ZMYM6: variants seen among roughly 807,000 people sequenced by gnomAD.
The protein encoded by ZMYM6 is zinc finger MYM-type containing 6.
In ZMYM6, 90 loss-of-function variants were observed where a neutral mutation model predicts 134.0. The ratio of observed to expected loss-of-function variants is 0.67; its 90% CI spans 0.57 to 0.80. The LOEUF is 0.80. Ranked by LOEUF, ZMYM6 falls within the 30% of genes least tolerant of loss-of-function variation. The pLI is 0.00. For missense variants in ZMYM6, 1,362 were observed against 1,533.9 expected, an observed-to-expected ratio of 0.89 and a Z score of 1.87; for synonymous variants, 481 against 524.1, an observed-to-expected ratio of 0.92 and a Z score of 1.12.
At chr1:35,006,105 TC>T (rs1324361752) in intron 12 of ZMYM6, among the ~76,000 whole-genome samples, 1 of 152,196 alleles carries the variant, frequency 6.6e-6, no homozygotes, top group Non-Finnish European at 1.5e-5. Context: ...TCTCTTGGGT[TC>T]CAGTAATTCT....
In ZMYM6 at chr1:35,015,075, T is replaced by C. The variant is rs1641156442; in HGVS notation, c.516A>G (p.Ser172=). Residue 172 remains serine (S), a synonymous_variant, in exon 5 of 16, where the codon TCA becomes TCG. Coordinates refer to ENST00000357182, the MANE Select transcript of ZMYM6 (RefSeq NM_007167.4). ...CAGGTTTTTTCTTTAGCTCATAAGA[T>C]GACAAGCATGATTGGCTGCAGAAAT... ...SKDFCSQSCL[S]SYELKKKPVV... is the part of the protein sequence containing the mutation. 6.2e-7 allele frequency: 1 copy of C among 1,613,960 alleles called. No individual in the cohort carries two copies. Among genetic ancestry groups the C allele is most frequent in the African/African-American group, 1.3e-5 (1 of 74,930 alleles).
rs1640944059 is a variant in ZMYM6 at position 35,005,182 on chromosome 1, G to C, written c.1904C>G (p.Ala635Gly). The change falls in exon 13 of 16, where the codon GCA becomes GGA. Residue 635 changes from alanine to glycine, a missense_variant. Ala to Gly is a moderately conservative substitution (Grantham distance 60). Around this residue, in one of 3 missense-constraint regions of ZMYM6, gnomAD observed 824 missense variants for 940.9 expected, o/e 0.88. Transcript: ENST00000357182. Reference protein sequence around the residue: ...TPVITSVMSLAKIPATLSTGN... With the variant: ...TPVITSVMSLGKIPATLSTGN... ...TGTAGATAAGGTAGCAGGTATTTTT[G>C]CCAATGACATCACACTGGTTATAAC... 1 of 1,614,058 alleles carries C rather than the reference G, an allele frequency of 6.2e-7. No individual in the cohort carries two copies. The highest frequency in any genetic ancestry group is 8.5e-7 in the Non-Finnish European group (1 of 1,179,984).
chr1:35,015,754 ATATATATG>A (rs1241095585), intron 4 of ZMYM6, among the ~76,000 whole-genome samples: 1 of 139,558 alleles, frequency 7.2e-6, no homozygotes, highest in African/African-American at 2.9e-5. Context: ...ATATATATAT[ATATATATG>A]TGGCCAGCCA....
intron 14 of ZMYM6, among the ~76,000 whole-genome samples, chr1:34,999,656 A>C (rs1640846684): frequency 6.6e-6 from 1 of 152,218 alleles, no homozygotes; most frequent in South Asian, 2.1e-4. Flanking sequence ...AAAAACAGAA[A>C]TATAAGCAAA....
At chr1:35,018,300 ACT>A (rs1641242111) in intron 4 of ZMYM6, 1 of 151,218 alleles carries the variant, frequency 6.6e-6, no homozygotes, top group Non-Finnish European at 1.5e-5. Context: ...AGCTGTGATC[ACT>A]CTACCATGGG....
In ZMYM6 at chr1:35,007,033, G is replaced by A; in HGVS notation, c.1731C>T (p.Asn577=). 1 of 1,613,288 alleles carries A rather than the reference G, an allele frequency of 6.2e-7. No individual in the cohort carries two copies. The highest frequency in any genetic ancestry group is 8.5e-7 in the Non-Finnish European group (1 of 1,179,652). The part of the protein sequence containing the change: ...KLSESIKWRG[N]IKHFCNLFCV... ...AAAATAGGTTACAGAAATGTTTAAT[G>A]TTGCCTCGCCACTTTATGGACTCGC... Residue 577 remains asparagine, a synonymous_variant, in exon 12 of 16, where the codon AAC becomes AAT. Transcript: ENST00000357182.
At chr1:35,004,705 G>A (rs1640934624) in intron 13 of ZMYM6, among the ~76,000 whole-genome samples, 1 of 152,098 alleles carries the variant, frequency 6.6e-6, no homozygotes. Context: ...AGGCGGGGGT[G>A]GGGAGGCGGT....
chr1:35,014,969 A>C lies in ZMYM6; in HGVS notation c.603+19T>G. 1 of 1,610,402 alleles carries C rather than the reference A, an allele frequency of 6.2e-7. No individual in the cohort carries two copies. Among genetic ancestry groups the C allele is most frequent in the South Asian group, 1.1e-5 (1 of 90,460 alleles). On this transcript the variant is annotated intron_variant, in intron 5 of 15. Transcript: ENST00000357182. ...AATCTCTTTCAGCAGAATCCCAATA[A>C]AAGTAAAATGTAACTTACATCAGCA...
At chr1:34,990,762 A>G (rs1028845590) in intron 15 of ZMYM6, among the ~76,000 whole-genome samples, 1 of 152,234 alleles carries the variant, frequency 6.6e-6, no homozygotes, top group Non-Finnish European at 1.5e-5. Flanking sequence ...AAAAATTGGA[A>G]AAAAATAATC....
At chr1:35,002,320 A>C (rs961000897) in intron 14 of ZMYM6, among the ~76,000 whole-genome samples, 2 of 152,204 alleles carry the variant, frequency 1.3e-5, no homozygotes, top group Non-Finnish European at 2.9e-5. Context: ...GTAAAGCTGA[A>C]ATGTTTTCAT....
At chr1:35,011,078 A>C in intron 8 of ZMYM6, 42 bp from the exon 9 acceptor site, 4 of 1,571,870 alleles carry the variant, frequency 2.5e-6, no homozygotes, top group Non-Finnish European at 3.4e-6. Context: ...TCAACTGAGA[A>C]ATAAGATAAC....
Position 34,988,987 on chromosome 1 carries a change from T to C in ZMYM6, c.2147-52A>G, listed in dbSNP as rs769885698. 3 of 1,567,196 alleles carry C rather than the reference T, an allele frequency of 1.9e-6. 1 individual carries two copies. Among genetic ancestry groups the C allele is most frequent in the South Asian group, 2.4e-5 (2 of 82,400 alleles). ...ATTTTCAAGAACAAATAAGCAATGT[T>C]CTTTATGTATCTCCCCACATATTTA... On this transcript the variant is annotated intron_variant, in intron 15 of 15. Transcript: ENST00000357182.
At chr1:34,989,886 G>C (rs764590873) in intron 15 of ZMYM6, 1 of 151,890 alleles carries the variant, frequency 6.6e-6, no homozygotes, top group Non-Finnish European at 1.5e-5. Flanking sequence ...GGAGACAAGA[G>C]TGAAACTCCA....
In ZMYM6 at chr1:35,011,996, A is replaced by T. The variant is rs761541417; in HGVS notation, c.956T>A (p.Val319Asp). Residue 319 changes from valine (V) to aspartate (D), a missense_variant, in exon 8 of 16, where the codon GTT (valine) becomes GAT (aspartate). Coordinates refer to ENST00000357182, the MANE Select transcript of ZMYM6 (RefSeq NM_007167.4). ...VKTVTSSGVQ[V>D]SCHSCKTSAI... ...TGAGGTTTTACAACTATGACATGAA[A>T]CCTGGACACCTTGGTGACAAAAAAT... The T allele has an allele frequency of 2.5e-6, 4 of 1,597,252 alleles. No homozygotes were observed. The highest frequency in any genetic ancestry group is 3.4e-5 in the Admixed American group (2 of 58,674).
In ZMYM6 at chr1:35,013,092, G is replaced by A. The variant is rs1437168626; in HGVS notation, c.796-511C>T. On this transcript the variant is annotated intron_variant, in intron 6 of 15. Coordinates refer to ENST00000357182, the MANE Select transcript of ZMYM6 (RefSeq NM_007167.4). ...AAAATCTGCTTATAAGTTTATTCAT[G>A]TTTTAAGAAATAATAAAAATAGCTA... 4 of 892,580 alleles carry A rather than the reference G, an allele frequency of 4.5e-6. 1 individual carries two copies. The South Asian group carries it at 2.1e-4, about 46-fold the overall frequency. 55.3% of individuals were successfully genotyped at this position (892,580 alleles called of 1,614,324 possible). A position where few individuals can be genotyped will look rare whatever the true frequency, so the allele number is the denominator to read the frequency against.
Position 34,988,056 on chromosome 1 carries a change from T to C in ZMYM6, c.3026A>G (p.His1009Arg), listed in dbSNP as rs1557553063. 1.3e-6 allele frequency: 2 copies of C among 1,551,450 alleles called. No individual in the cohort carries two copies. The highest frequency in any genetic ancestry group is 2.7e-5 in the African/African-American group (2 of 73,052). Residue 1009 changes from histidine (H) to arginine (R), a missense_variant, in exon 16 of 16, where the codon CAT becomes CGT. By Grantham distance (29) the His-to-Arg change is conservative (BLOSUM62 0). This residue lies in a region of ZMYM6 where 824 missense variants were observed against 940.9 expected (regional missense o/e 0.88). Coordinates refer to ENST00000357182, the MANE Select transcript of ZMYM6 (RefSeq NM_007167.4). The part of the protein sequence containing the change: ...EVAMNTAAFT[H>R]CFIHRERLVA... ...TAAACGTTCACGGTGAATAAAACAA[T>C]GTGTAAATGCCGCTGTATTCATGGC...
intron 15 of ZMYM6, among the ~76,000 whole-genome samples, chr1:34,990,858 C>CA (rs34927678): frequency 0.22 from 32,777 of 151,950 alleles, 8,410 homozygotes; most frequent in African/African-American, 0.61. Flanking sequence ...TGTTAGAAAA[C>CA]ATTCGAGATT....
intron 10 of ZMYM6, among the ~76,000 whole-genome samples, chr1:35,010,172 G>A (rs1641059399): frequency 6.6e-6 from 1 of 152,012 alleles, no homozygotes; most frequent in African/African-American, 2.4e-5. Context: ...ACCATGCCCG[G>A]CTAATTTTGT....
chr1:35,023,139 G>A (rs112811439), intron 2 of ZMYM6, among the ~76,000 whole-genome samples: 2,982 of 151,006 alleles, frequency 0.02, 103 homozygotes, highest in African/African-American at 0.068. Context: ...ATGGAGTTTC[G>A]CTCTTGTTGC....
Sources: allele counts gnomAD v4.1 joint callset (sites outside exome capture counted in the v4.1 genomes callset), GRCh38; gene constraint gnomAD v4.1.1; regional missense constraint gnomAD v4.1.1; transcripts MANE v1.5; gene names NCBI Gene and HGNC (gene_info 2026-07-23, HGNC 2026-07-21).